Variants in WDR4 observed in about 807,000 individuals in gnomAD.
WDR4 encodes tRNA (guanine-N(7)-)-methyltransferase non-catalytic subunit WDR4.
Under a neutral mutation model 48.6 loss-of-function variants are expected in WDR4, and 47 were observed. That is an observed-to-expected ratio of 0.97 (90% CI 0.77 to 1.23). The LOEUF (loss-of-function observed/expected upper bound fraction) is 1.23, where lower values mean the gene tolerates loss of function less well. WDR4 is among the 50% of genes most tolerant of loss of function. WDR4 has a pLI of 0.00. For missense variants in WDR4, 606 were observed against 551.6 expected, an observed-to-expected ratio of 1.10 and a Z score of -0.99; for synonymous variants, 268 against 230.0, an observed-to-expected ratio of 1.17 and a Z score of -1.49.
intron 2 of WDR4, among the ~76,000 whole-genome samples, chr21:42,874,689 C>T (rs1057233304): frequency 7.9e-5 from 12 of 152,006 alleles, no homozygotes; most frequent in African/African-American, 2.9e-4. Flanking sequence ...TCTCCCATAG[C>T]GCTCCCAGGC....
At chr21:42,859,515 G>A (rs1036619003) in intron 6 of WDR4, 147 bp downstream of exon 6, 16 of 820,334 alleles carry the variant, frequency 2.0e-5, no homozygotes, top group Admixed American at 1.7e-4. Flanking sequence ...GGCGGGGAGC[G>A]AGCCGCAGGC....
intron 1 of WDR4, among the ~76,000 whole-genome samples, chr21:42,877,449 T>C (rs1465218222): frequency 1.3e-5 from 2 of 148,960 alleles, no homozygotes; most frequent in East Asian, 2.0e-4. Context: ...AGCCTAACAA[T>C]GATTTTTAAA....
At chr21:42,864,303 C>T (rs13052751) in intron 3 of WDR4, among the ~76,000 whole-genome samples, 62,033 of 151,098 alleles carry the variant, frequency 0.41, 12,819 homozygotes, top group African/African-American at 0.44. Flanking sequence ...TCTCCATAAA[C>T]GCTGAGTGTG....
chr21:42,859,632 G>A (rs1231480652), intron 6 of WDR4, 30 bp downstream of exon 6: 4 of 790,760 alleles, frequency 5.1e-6, no homozygotes, highest in Non-Finnish European at 7.6e-6. Context: ...CAAGAATCCA[G>A]AGGTGAGTGA....
downstream of WDR4, among the ~76,000 whole-genome samples, chr21:42,847,717 T>C (rs1602676972): frequency 2.6e-5 from 4 of 152,358 alleles, no homozygotes; most frequent in South Asian, 8.3e-4. Flanking sequence ...ATGATTTTCA[T>C]GTCATGAAAT....
intron 10 of WDR4, among the ~76,000 whole-genome samples, chr21:42,851,715 TGCAGCC>T (rs900100791): frequency 1.6e-4 from 24 of 152,336 alleles, no homozygotes; most frequent in African/African-American, 5.3e-4. Context: ...CTCTCCTTCC[TGCAGCC>T]GCAGCCACGG....
At chr21:42,892,249 G>GT in the WDR4 span, among the ~76,000 whole-genome samples, 1 of 85,318 alleles carries the variant, frequency 1.2e-5, no homozygotes, top group Non-Finnish European at 2.1e-5. Context: ...GCAAGACTCC[G>GT]TCTCAAAAAA....
At chr21:42,847,492 T>C (rs1039805389), downstream of WDR4, among the ~76,000 whole-genome samples, 3 of 151,984 alleles carry the variant, frequency 2.0e-5, no homozygotes, top group Non-Finnish European at 2.9e-5. Context: ...TGCTGAGGAA[T>C]AGCAGGAAGC....
rs373181618 is a variant in WDR4, at chr21:42,876,218, C to CTTTTTTTTTTTTTTTTT, written c.155+483_155+484insAAAAAAAAAAAAAAAAA. ...CCGCACCCGGCACTAACACTGTACT[C>CTTTTTTTTTTTTTTTTT]TTTTTTTTTTTGGGAGACAGAGTCT... On this transcript the variant is annotated intron_variant, in intron 2 of 10. Coordinates refer to ENST00000398208, the MANE Select transcript of WDR4 (RefSeq NM_018669.6). 1.9e-4 allele frequency among the ~76,000 whole-genome samples: 20 copies of CTTTTTTTTTTTTTTTTT among 105,872 alleles called. 1 individual carries two copies. Among genetic ancestry groups the CTTTTTTTTTTTTTTTTT allele is most frequent in the African/African-American group, 5.5e-4 (14 of 25,636 alleles). 69.5% of individuals were successfully genotyped at this position (105,872 alleles called of 152,430 possible).
At chr21:42,844,266 A>T (rs1187956832), downstream of WDR4, among the ~76,000 whole-genome samples, 1 of 152,190 alleles carries the variant, frequency 6.6e-6, no homozygotes, top group Non-Finnish European at 1.5e-5. Flanking sequence ...CATAAAAATG[A>T]CAAAGCCTAC....
chr21:42,859,255 AG>A (rs1388265972), intron 6 of WDR4, among the ~76,000 whole-genome samples: 9 of 152,066 alleles, frequency 5.9e-5, no homozygotes, highest in Non-Finnish European at 1.0e-4. Context: ...TTAAAAAAAA[AG>A]AAAGAAAGAA....
intron 3 of WDR4, among the ~76,000 whole-genome samples, chr21:42,872,870 G>A (rs560267561): frequency 1.1e-4 from 17 of 152,128 alleles, no homozygotes; most frequent in Non-Finnish European, 2.5e-4. Context: ...CCGGGAGGTC[G>A]AGGTTGCGAT....
intron 9 of WDR4, among the ~76,000 whole-genome samples, chr21:42,853,319 C>T (rs1053170518): frequency 1.3e-5 from 2 of 152,120 alleles, no homozygotes; most frequent in African/African-American, 4.8e-5. Context: ...GGGCCACACA[C>T]TCACCCAAAA....
chr21:42,854,892 A>G (rs1451277715), intron 7 of WDR4, among the ~76,000 whole-genome samples: 1 of 152,190 alleles, frequency 6.6e-6, no homozygotes, highest in Non-Finnish European at 1.5e-5. Flanking sequence ...TAGGTCAGAC[A>G]GTGAGGAGAA....
intron 2 of WDR4, among the ~76,000 whole-genome samples, chr21:42,876,275 G>A (rs1157244862): frequency 1.4e-5 from 2 of 144,182 alleles, no homozygotes; most frequent in African/African-American, 5.4e-5. Flanking sequence ...GTGCAATGCC[G>A]CAATCTCAGC....
At chr21:42,845,596 C>T (rs941492229), downstream of WDR4, among the ~76,000 whole-genome samples, 4 of 152,124 alleles carry the variant, frequency 2.6e-5, no homozygotes, top group East Asian at 7.7e-4. Context: ...AGGTCTGGAT[C>T]GAAGGTGGGC....
Position 42,855,763 on chromosome 21 carries a change from G to C in WDR4, c.645C>G (p.Leu215=), listed in dbSNP as rs2146018035. Residue 215 remains leucine, a synonymous_variant, in exon 7 of 11, where the codon CTC becomes CTG. Coordinates refer to ENST00000398208, the MANE Select transcript of WDR4 (RefSeq NM_018669.6). The part of the protein sequence containing the change: ...LSSSGDGTLR[L]WEYRSGRQLH... The stretch of plus-strand genomic sequence containing the variant: ...GCTGGCGGCCGCTCCTGTACTCCCA[G>C]AGCCTCAGGGTGCCGTCCTGCACAA... The C allele has an allele frequency of 6.4e-7, 1 of 1,552,330 alleles. No individual in the cohort carries two copies. The highest frequency in any genetic ancestry group is 2.4e-5 in the East Asian group (1 of 41,090).
intron 7 of WDR4, 48 bp from the exon 8 acceptor site, chr21:42,854,674 G>T: frequency 6.3e-7 from 1 of 1,581,020 alleles, no homozygotes; most frequent in South Asian, 1.1e-5. Context: ...GCAGGGGCCC[G>T]ACGCCGGGCG....
intron 5 of WDR4, among the ~76,000 whole-genome samples, chr21:42,861,272 C>T (rs2058108944): frequency 6.8e-6 from 1 of 146,676 alleles, no homozygotes; most frequent in Non-Finnish European, 1.5e-5. Flanking sequence ...CAAGATCACG[C>T]CACTGCACTC....
Sources: gnomAD v4.1 joint callset for allele counts (sites outside exome capture counted in the v4.1 genomes callset) on GRCh38, gnomAD v4.1.1 for gene constraint, MANE v1.5 for transcripts, NCBI Gene and HGNC (gene_info 2026-07-23, HGNC 2026-07-21) for gene names.